The following MAMDC2 variants were observed in gnomAD, a reference collection of about 807,000 sequenced individuals.
MAMDC2 encodes the protein MAM domain containing 2, also known as MAM domain-containing protein 2.
Under a neutral mutation model 89.8 loss-of-function variants are expected in MAMDC2, and 57 were observed. The ratio of observed to expected loss-of-function variants is 0.63; its 90% CI spans 0.51 to 0.79. MAMDC2 has a LOEUF of 0.79. MAMDC2 is among the 30% of genes least tolerant of loss of function. The pLI is 0.00. For synonymous variants in MAMDC2, 313 were observed against 293.4 expected, an observed-to-expected ratio of 1.07 and a Z score of -0.68; for missense variants, 800 against 820.6, an observed-to-expected ratio of 0.97 and a Z score of 0.31.
At chr9:70,207,288 C>G (rs1460817320) in intron 11 of MAMDC2, among the ~76,000 whole-genome samples, 1 of 151,832 alleles carries the variant, frequency 6.6e-6, no homozygotes, top group Non-Finnish European at 1.5e-5. Context: ...CTCTCCAGCA[C>G]CTTTTGTTTC....
At chr9:70,181,496 T>C (rs1369448654) in intron 11 of MAMDC2, among the ~76,000 whole-genome samples, 1 of 152,228 alleles carries the variant, frequency 6.6e-6, no homozygotes, top group Non-Finnish European at 1.5e-5. Flanking sequence ...ATGGAATTTT[T>C]TTTCCATTTG....
At chr9:70,047,398 T>C (rs1225034488) in intron 2 of MAMDC2, among the ~76,000 whole-genome samples, 1 of 152,090 alleles carries the variant, frequency 6.6e-6, no homozygotes, top group Non-Finnish European at 1.5e-5. Context: ...TTCCCCTCCT[T>C]GTGTCCGTGT....
At position 70,203,548 on chromosome 9, in the gene MAMDC2, C is replaced by G. The variant is rs1392284073; in HGVS notation, c.1652-14789C>G. 1.6e-5 allele frequency among the ~76,000 whole-genome samples: 2 copies of G among 122,624 alleles called. 1 individual carries two copies. Among genetic ancestry groups the G allele is most frequent in the East Asian group, 4.5e-4 (2 of 4,406 alleles). The allele number at this position is 122,624 out of a possible 152,430, so 80.4% of individuals were successfully genotyped here. A position where few individuals can be genotyped will look rare whatever the true frequency, so the allele number is the denominator to read the frequency against. Reference sequence around the variant, plus strand: ...ATTTATGTGTCTTGGAGTTGCTCTTCTCGAGGAGTATCTTTGTGGCATTCT... The same window carrying G: ...ATTTATGTGTCTTGGAGTTGCTCTTGTCGAGGAGTATCTTTGTGGCATTCT... On this transcript the variant is annotated intron_variant, in intron 11 of 13. Transcript: ENST00000377182.
At chr9:70,103,970 A>G (rs930016556) in intron 2 of MAMDC2, among the ~76,000 whole-genome samples, 1 of 151,458 alleles carries the variant, frequency 6.6e-6, no homozygotes, top group African/African-American at 2.4e-5. Context: ...CGGCACAGCA[A>G]GACTCCGTCT....
At chr9:70,174,446 T>C (rs974998950) in intron 11 of MAMDC2, among the ~76,000 whole-genome samples, 9 of 152,120 alleles carry the variant, frequency 5.9e-5, no homozygotes, top group African/African-American at 1.9e-4. Context: ...AGTTAACTAA[T>C]GTAAATAGAA....
intron 2 of MAMDC2, among the ~76,000 whole-genome samples, chr9:70,070,320 C>T (rs1036405410): frequency 2.0e-5 from 3 of 152,198 alleles, no homozygotes; most frequent in Admixed American, 1.3e-4. Context: ...GACTTTTTAG[C>T]TCCACTGCTA....
At chr9:70,155,574 T>C (rs1165740681) in intron 9 of MAMDC2, among the ~76,000 whole-genome samples, 1 of 152,192 alleles carries the variant, frequency 6.6e-6, no homozygotes, top group African/African-American at 2.4e-5. Flanking sequence ...TATATGTTAG[T>C]CTCCTGCATT....
At chr9:70,178,191 T>TATAA (rs2032555184) in intron 11 of MAMDC2, among the ~76,000 whole-genome samples, 1 of 152,196 alleles carries the variant, frequency 6.6e-6, no homozygotes, top group Non-Finnish European at 1.5e-5. Context: ...ACAGAATGGC[T>TATAA]GAACTGAGCA....
chr9:70,212,246 C>A (rs968930129), intron 11 of MAMDC2, among the ~76,000 whole-genome samples: 5 of 152,244 alleles, frequency 3.3e-5, no homozygotes, highest in Admixed American at 2.0e-4. Flanking sequence ...CAGAGGCAGG[C>A]AGGCCTCCTT....
At chr9:70,118,164 C>G (rs1043579718) in intron 5 of MAMDC2, among the ~76,000 whole-genome samples, 1 of 149,536 alleles carries the variant, frequency 6.7e-6, no homozygotes, top group Admixed American at 6.6e-5. Context: ...CCCTGAGTTC[C>G]AGGCTACATT....
chr9:70,210,987 G>T (rs1446589659), intron 11 of MAMDC2, among the ~76,000 whole-genome samples: 1 of 152,172 alleles, frequency 6.6e-6, no homozygotes, highest in African/African-American at 2.4e-5. Context: ...TAGAGTTTCT[G>T]CCAAGAGATC....
chr9:70,126,450 C>A, intron 6 of MAMDC2, 35 bp downstream of exon 6: 1 of 1,591,684 alleles, frequency 6.3e-7, no homozygotes, highest in Non-Finnish European at 8.6e-7. Flanking sequence ...TGTTCACTGG[C>A]ACTCTTTAGA....
intron 2 of MAMDC2, among the ~76,000 whole-genome samples, chr9:70,080,926 C>T (rs781682511): frequency 1.3e-5 from 2 of 152,200 alleles, no homozygotes; most frequent in Non-Finnish European, 2.9e-5. Context: ...CTGACTCAGG[C>T]ATCCCTGGAA....
rs148387220 is a variant in MAMDC2 at position 70,104,707 on chromosome 9, T to C, written c.149-3504T>C. On this transcript the variant is annotated intron_variant, in intron 2 of 13. Transcript: ENST00000377182. ...CACAAAGGGACACATATTATATAAT[T>C]CTATTTATATAAAGTTTCCAGAATA... Among the ~76,000 whole-genome samples, 21 of 152,310 alleles carry C rather than the reference T, an allele frequency of 1.4e-4. No individual in the cohort carries two copies. In the East Asian group the frequency reaches 4.1e-3, roughly 29 times the overall value.
intron 11 of MAMDC2, chr9:70,194,249 A>ACAAT (rs1245946772): frequency 6.6e-6 from 1 of 152,104 alleles, no homozygotes; most frequent in African/African-American, 2.4e-5. Context: ...AATAAAGATA[A>ACAAT]CAATCAGTGA....
intron 12 of MAMDC2, among the ~76,000 whole-genome samples, chr9:70,221,380 T>TATATATATATATATAG: frequency 4.3e-4 from 3 of 7,046 alleles, no homozygotes; most frequent in Non-Finnish European, 7.8e-4. Context: ...TATATATATA[T>TATATATATATATATAG]AGAGAGAGAG....
At chr9:70,097,246 T>C (rs1039926089) in intron 2 of MAMDC2, among the ~76,000 whole-genome samples, 1 of 152,222 alleles carries the variant, frequency 6.6e-6, no homozygotes, top group Non-Finnish European at 1.5e-5. Context: ...GGAGGTTCTG[T>C]AGTTGTCGGC....
chr9:70,119,223 A>G (rs1475979824), intron 5 of MAMDC2, among the ~76,000 whole-genome samples: 2 of 151,314 alleles, frequency 1.3e-5, no homozygotes, highest in Non-Finnish European at 2.9e-5. Flanking sequence ...AAAAATAATG[A>G]GGGATGCATC....
At chr9:70,220,817 A>G (rs975047621) in intron 12 of MAMDC2, among the ~76,000 whole-genome samples, 11 of 152,236 alleles carry the variant, frequency 7.2e-5, no homozygotes, top group African/African-American at 2.2e-4. Context: ...TTACACTCTG[A>G]GAGTTTATAC....
Sources: allele counts gnomAD v4.1 joint callset (sites outside exome capture counted in the v4.1 genomes callset), GRCh38; gene constraint gnomAD v4.1.1; transcripts MANE v1.5; gene names NCBI Gene and HGNC (gene_info 2026-07-23, HGNC 2026-07-21).